Variants in CADM2 observed in about 807,000 individuals in gnomAD.
The protein encoded by CADM2 is cell adhesion molecule 2.
In CADM2, 12 loss-of-function variants were observed where a neutral mutation model predicts 49.8. The observed-to-expected ratio is 0.24, with a 90% CI of 0.15 to 0.39. CADM2 has a LOEUF of 0.39. CADM2 is among the 10% of genes least tolerant of loss of function. The pLI is 1.00. For missense variants in CADM2, 378 were observed against 492.3 expected (o/e 0.77, Z 2.20); for synonymous variants, 214 against 175.4 (o/e 1.22, Z -1.74).
At chr3:85,956,371 G>T (rs1724048323) in intron 7 of CADM2, among the ~76,000 whole-genome samples, 1 of 151,612 alleles carries the variant, frequency 6.6e-6, no homozygotes, top group South Asian at 2.1e-4. Flanking sequence ...ATTGTATCAA[G>T]ACTTGCTAAA....
intron 1 of CADM2, among the ~76,000 whole-genome samples, chr3:85,278,502 A>G (rs1188302896): frequency 6.6e-6 from 1 of 151,442 alleles, no homozygotes; most frequent in African/African-American, 2.4e-5. Flanking sequence ...ACTTGTGTTG[A>G]AACTTTTTGA....
intron 5 of CADM2, among the ~76,000 whole-genome samples, chr3:85,896,648 T>C (rs1262467163): frequency 6.6e-6 from 1 of 152,202 alleles, no homozygotes; most frequent in Non-Finnish European, 1.5e-5. Context: ...ATATACCGTG[T>C]GTTTCAAAAT....
chr3:85,786,346 T>C (rs1281295207), intron 2 of CADM2, among the ~76,000 whole-genome samples: 2 of 152,112 alleles, frequency 1.3e-5, no homozygotes, highest in Non-Finnish European at 2.9e-5. Context: ...TAGAAATCTA[T>C]ACAAAGTACC....
At chr3:85,219,373 A>T (rs952008234) in intron 1 of CADM2, among the ~76,000 whole-genome samples, 1 of 152,200 alleles carries the variant, frequency 6.6e-6, no homozygotes, top group African/African-American at 2.4e-5. Context: ...TGATCTTGTC[A>T]TAACCTAAAA....
chr3:86,012,599 C>A, intron 8 of CADM2: 2 of 1,575,478 alleles, frequency 1.3e-6, no homozygotes, highest in South Asian at 1.1e-5. Flanking sequence ...GCACGCGAAG[C>A]GCACGCAGTC....
At position 85,265,013 on chromosome 3, in the gene CADM2, C is replaced by T. The variant is rs143000181; in HGVS notation, c.61+305345C>T. Among the ~76,000 whole-genome samples the T allele has an allele frequency of 9.3e-3, 1,415 of 151,772 alleles. 2 individuals carry two copies. The highest frequency in any genetic ancestry group is 0.014 in the Middle Eastern group (4 of 294). On this transcript the variant is annotated intron_variant, in intron 1 of 9. Coordinates refer to ENST00000383699, the MANE Select transcript of CADM2 (RefSeq NM_001167675.2). ...TGAGCTATGAGTTTATTCATCAGCA[C>T]GAATTAGATAAAATAACATATGTAA...
intron 1 of CADM2, among the ~76,000 whole-genome samples, chr3:85,394,102 G>C (rs2034655423): frequency 6.6e-6 from 1 of 152,100 alleles, no homozygotes; most frequent in South Asian, 2.1e-4. Flanking sequence ...GCCTGAAATA[G>C]TTACTTTTAA....
chr3:85,469,010 A>C (rs529015205), intron 1 of CADM2, among the ~76,000 whole-genome samples: 9 of 152,292 alleles, frequency 5.9e-5, no homozygotes, highest in African/African-American at 1.7e-4. Context: ...ATTACCTGCT[A>C]TTCTAGCCTG....
intron 1 of CADM2, among the ~76,000 whole-genome samples, chr3:85,059,586 A>G (rs992912248): frequency 3.9e-5 from 6 of 152,066 alleles, no homozygotes; most frequent in African/African-American, 1.4e-4. Flanking sequence ...CAATTCCCAT[A>G]TGTTGTGGGA....
chr3:85,218,791 G>A (rs569243006), intron 1 of CADM2, among the ~76,000 whole-genome samples: 45 of 152,162 alleles, frequency 3.0e-4, no homozygotes, highest in Admixed American at 1.7e-3. Flanking sequence ...GTGAGACTCC[G>A]TCTCAAAATA....
At chr3:86,026,678 A>T (rs1733942457) in intron 8 of CADM2, among the ~76,000 whole-genome samples, 4 of 152,156 alleles carry the variant, frequency 2.6e-5, no homozygotes, top group African/African-American at 9.6e-5. Flanking sequence ...TGCCTCTTTC[A>T]TTCTCATGTT....
At chr3:85,116,736 C>G (rs989441614) in intron 1 of CADM2, among the ~76,000 whole-genome samples, 1 of 151,798 alleles carries the variant, frequency 6.6e-6, no homozygotes, top group Non-Finnish European at 1.5e-5. Context: ...CAGTACATAC[C>G]ATTGTGGAAA....
intron 1 of CADM2, among the ~76,000 whole-genome samples, chr3:85,541,179 C>T (rs537430128): frequency 6.0e-5 from 9 of 150,482 alleles, no homozygotes; most frequent in East Asian, 2.0e-4. Context: ...TATATACATG[C>T]GTGTATATAT....
At chr3:85,695,028 G>C (rs372648037) in intron 1 of CADM2, among the ~76,000 whole-genome samples, 1 of 152,072 alleles carries the variant, frequency 6.6e-6, no homozygotes, top group African/African-American at 2.4e-5. Flanking sequence ...TTCTCTTTTA[G>C]AATGTAACCT....
Position 85,277,578 on chromosome 3 carries a change from C to T in CADM2, c.61+317910C>T, listed in dbSNP as rs142496284. On this transcript the variant is annotated intron_variant, in intron 1 of 9. Coordinates refer to ENST00000383699, the MANE Select transcript of CADM2 (RefSeq NM_001167675.2). ...GAAACTTTAAGTAAAAATTCTCTCA[C>T]GAACATTGTTATGCTATGTTCTATC... 3.9e-3 allele frequency among the ~76,000 whole-genome samples: 589 copies of T among 151,444 alleles called. 6 individuals carry two copies. Among genetic ancestry groups the T allele is most frequent in the African/African-American group, 0.013 (554 of 41,480 alleles).
intron 1 of CADM2, among the ~76,000 whole-genome samples, chr3:84,974,861 T>C (rs1169828071): frequency 2.6e-5 from 4 of 151,938 alleles, no homozygotes; most frequent in African/African-American, 9.7e-5. Context: ...AACCTCATAG[T>C]TGGCTTTTTA....
intron 1 of CADM2, among the ~76,000 whole-genome samples, chr3:85,481,586 C>A (rs1399942461): frequency 6.6e-6 from 1 of 151,500 alleles, no homozygotes; most frequent in African/African-American, 2.4e-5. Context: ...TTGTGATTCC[C>A]AGCCATAAAC....
At chr3:85,102,123 A>G (rs2107546790) in intron 1 of CADM2, among the ~76,000 whole-genome samples, 1 of 152,324 alleles carries the variant, frequency 6.6e-6, no homozygotes, top group South Asian at 2.1e-4. Flanking sequence ...TCCTTGTGAT[A>G]TAAAGCTTAA....
intron 1 of CADM2, among the ~76,000 whole-genome samples, chr3:84,984,687 A>G (rs1559602520): frequency 6.6e-6 from 1 of 152,164 alleles, no homozygotes; most frequent in Non-Finnish European, 1.5e-5. Flanking sequence ...TTAAAGAACA[A>G]ACTATTTAGT....
Sources: gnomAD v4.1 joint callset for allele counts (sites outside exome capture counted in the v4.1 genomes callset) on GRCh38, gnomAD v4.1.1 for gene constraint, MANE v1.5 for transcripts, NCBI Gene and HGNC (gene_info 2026-07-23, HGNC 2026-07-21) for gene names.